Variants in CDH18 observed in about 807,000 individuals in gnomAD.
The protein encoded by CDH18 is cadherin 18.
CDH18 carries 31 observed loss-of-function variants against 67.9 expected under a neutral mutation model. That is an observed-to-expected ratio of 0.46 (90% CI 0.34 to 0.62). CDH18 has a LOEUF of 0.62. Among genes scored for constraint, CDH18 ranks in the 20% least tolerant of loss-of-function variants. The pLI is 0.01. For synonymous variants in CDH18, 362 were observed against 347.2 expected (o/e 1.04, Z -0.48); for missense variants, 890 against 975.5 (o/e 0.91, Z 1.17).
chr5:20,299,005 A>G (rs914119470), intron 1 of CDH18, among the ~76,000 whole-genome samples: 5 of 152,180 alleles, frequency 3.3e-5, no homozygotes, highest in Non-Finnish European at 7.3e-5. Context: ...AAAATAAAAA[A>G]CATAGGCATG....
intron 12 of CDH18, among the ~76,000 whole-genome samples, chr5:19,476,397 G>A (rs529747535): frequency 1.6e-4 from 25 of 152,120 alleles, no homozygotes; most frequent in African/African-American, 3.1e-4. Flanking sequence ...TCCCATATAC[G>A]TTGCCTATAT....
chr5:20,128,049 A>G (rs1158494756), intron 2 of CDH18, among the ~76,000 whole-genome samples: 2 of 152,054 alleles, frequency 1.3e-5, no homozygotes, highest in African/African-American at 4.8e-5. Flanking sequence ...CTTCTAGGTC[A>G]GTATTGGCTC....
At chr5:19,784,014 A>C (rs1316564740) in intron 3 of CDH18, among the ~76,000 whole-genome samples, 41 of 152,290 alleles carry the variant, frequency 2.7e-4, no homozygotes, top group Non-Finnish European at 1.5e-5. Context: ...GATGAGTAAA[A>C]ACATTTTATT....
chr5:19,578,707 T>C (rs970692639), intron 7 of CDH18, among the ~76,000 whole-genome samples: 3 of 152,064 alleles, frequency 2.0e-5, no homozygotes, highest in African/African-American at 7.2e-5. Flanking sequence ...ATTACAAGTA[T>C]ACTTTCAGAA....
At chr5:19,982,804 G>T (rs13173892) in intron 1 of CDH18, among the ~76,000 whole-genome samples, 64,812 of 151,812 alleles carry the variant, frequency 0.43, 16,133 homozygotes, top group Middle Eastern at 0.64. Flanking sequence ...CAGCACTTTG[G>T]GAGGCCAAGG....
chr5:20,053,021 A>G (rs923613607), intron 2 of CDH18, among the ~76,000 whole-genome samples: 3 of 23,692 alleles, frequency 1.3e-4, no homozygotes, highest in Non-Finnish European at 3.6e-4. Flanking sequence ...CTTTTTCCTC[A>G]GTTTATTTTT....
chr5:20,520,832 T>C (rs1274244778), intron 1 of CDH18, among the ~76,000 whole-genome samples: 1 of 152,058 alleles, frequency 6.6e-6, no homozygotes, highest in Non-Finnish European at 1.5e-5. Context: ...AGAGAAAAGA[T>C]CTAAAATAAA....
At chr5:19,618,495 C>T (rs1046857697) in intron 5 of CDH18, among the ~76,000 whole-genome samples, 17 of 152,118 alleles carry the variant, frequency 1.1e-4, no homozygotes, top group African/African-American at 2.4e-4. Context: ...CACGAGCCAC[C>T]GTGCCTGGCC....
intron 2 of CDH18, among the ~76,000 whole-genome samples, chr5:20,070,805 G>T (rs188125325): frequency 1.5e-3 from 233 of 152,166 alleles, no homozygotes; most frequent in Non-Finnish European, 2.9e-3. Context: ...ATTTAATATT[G>T]TAGAAGAGAT....
intron 1 of CDH18, among the ~76,000 whole-genome samples, chr5:20,444,551 AAAAC>A (rs1003240655): frequency 3.3e-5 from 5 of 152,150 alleles, no homozygotes; most frequent in African/African-American, 9.7e-5. Context: ...CAAACAAAAC[AAAAC>A]AAACAAACAA....
chr5:19,616,439 A>AT, intron 5 of CDH18, among the ~76,000 whole-genome samples: 1 of 152,098 alleles, frequency 6.6e-6, no homozygotes, highest in African/African-American at 2.4e-5. Context: ...ATATGCAATG[A>AT]TTTTCTCAGG....
chr5:20,351,240 C>T (rs1321034928), intron 1 of CDH18, among the ~76,000 whole-genome samples: 1 of 127,304 alleles, frequency 7.9e-6, no homozygotes, highest in Non-Finnish European at 1.5e-5. Flanking sequence ...AATGTCAACT[C>T]CATGGGGGTT....
At chr5:20,416,079 A>G (rs945374337) in intron 1 of CDH18, among the ~76,000 whole-genome samples, 1 of 152,148 alleles carries the variant, frequency 6.6e-6, no homozygotes, top group African/African-American at 2.4e-5. Flanking sequence ...CTTTGTGCCT[A>G]TAGTTAATTC....
At chr5:20,036,306 G>A (rs79760681) in intron 2 of CDH18, among the ~76,000 whole-genome samples, 2,201 of 152,020 alleles carry the variant, frequency 0.014, 42 homozygotes, top group African/African-American at 0.041. Flanking sequence ...TGTTACTACC[G>A]TAGCTATTGA....
At chr5:20,387,067 A>G (rs765283410) in intron 1 of CDH18, among the ~76,000 whole-genome samples, 2 of 152,140 alleles carry the variant, frequency 1.3e-5, no homozygotes, top group African/African-American at 2.4e-5. Context: ...CCGAGAGTAA[A>G]TATCTTCAGC....
At chr5:19,523,902 C>A (rs558016642) in intron 9 of CDH18, among the ~76,000 whole-genome samples, 3 of 152,046 alleles carry the variant, frequency 2.0e-5, no homozygotes, top group South Asian at 4.1e-4. Flanking sequence ...GCATTTATAT[C>A]ATACAGAAAA....
In CDH18 at chr5:19,998,426, G is replaced by A. The variant is rs1736181942; in HGVS notation, c.-517-6412C>T. On this transcript the variant is annotated intron_variant, in intron 2 of 14. Coordinates refer to the CDH18 transcript ENST00000507958. The stretch of plus-strand genomic sequence containing the variant: ...CTAGAGCATTTGTATCGTCAGGGAG[G>A]GCACTGTCAGAGGAGGACTAGTTTG... Among the ~76,000 whole-genome samples the A allele has an allele frequency of 2.6e-5, 4 of 152,130 alleles. No homozygotes were observed. The South Asian group carries it at 8.3e-4, about 31-fold the overall frequency.
chr5:20,187,762 T>A (rs1738215318), intron 2 of CDH18, among the ~76,000 whole-genome samples: 1 of 151,832 alleles, frequency 6.6e-6, no homozygotes, highest in Non-Finnish European at 1.5e-5. Flanking sequence ...TAACACCAAA[T>A]TTTAATCATT....
chr5:20,083,580 C>T lies in CDH18; in HGVS notation c.-517-91566G>A, dbSNP rs192155215. 2.6e-5 allele frequency among the ~76,000 whole-genome samples: 4 copies of T among 152,214 alleles called. No individual in the cohort carries two copies. In the East Asian group the frequency reaches 7.7e-4, roughly 29 times the overall value. On this transcript the variant is annotated intron_variant, in intron 2 of 14. Coordinates refer to the CDH18 transcript ENST00000507958. ...CATCTGTCCTTCCTTCTCCTCAGGCCCCCTATTCACTGACATGCCACAATA... is the reference window on the plus strand; with the variant it reads ...CATCTGTCCTTCCTTCTCCTCAGGCTCCCTATTCACTGACATGCCACAATA...
Sources: gnomAD v4.1 joint callset for allele counts (sites outside exome capture counted in the v4.1 genomes callset) on GRCh38, gnomAD v4.1.1 for gene constraint, MANE v1.5 for transcripts, NCBI Gene and HGNC (gene_info 2026-07-23, HGNC 2026-07-21) for gene names.